Variants in CDH6 observed in about 807,000 individuals in gnomAD.
The protein encoded by CDH6 is cadherin-6.
A neutral mutation model predicts 78.0 loss-of-function variants in CDH6; 31 were observed. The ratio of observed to expected loss-of-function variants is 0.40; its 90% CI spans 0.30 to 0.54. CDH6 has a LOEUF of 0.54. Among genes scored for constraint, CDH6 ranks in the 20% least tolerant of loss-of-function variants. CDH6 has a pLI of 0.56. For missense variants in CDH6, 724 were observed against 975.9 expected, an observed-to-expected ratio of 0.74 and a Z score of 3.44; for synonymous variants, 376 against 368.8, an observed-to-expected ratio of 1.02 and a Z score of -0.23.
intron 1 of CDH6, among the ~76,000 whole-genome samples, chr5:31,217,583 C>G (rs1279374637): frequency 1.3e-5 from 2 of 152,092 alleles, no homozygotes; most frequent in Non-Finnish European, 2.9e-5. Context: ...TTAATAAGTA[C>G]CTGGGCCAGA....
intron 1 of CDH6, among the ~76,000 whole-genome samples, chr5:31,220,641 A>G (rs1390201291): frequency 6.6e-6 from 1 of 152,236 alleles, no homozygotes; most frequent in East Asian, 1.9e-4. Flanking sequence ...ACATATGTAC[A>G]TAAAAACTAT....
intron 7 of CDH6, among the ~76,000 whole-genome samples, chr5:31,312,811 A>G (rs376687536): frequency 6.6e-6 from 1 of 152,122 alleles, no homozygotes; most frequent in East Asian, 1.9e-4. Context: ...CTCTCTCACC[A>G]ATGTCATCTC....
At chr5:31,320,995 A>G (rs1306649781) in intron 11 of CDH6, among the ~76,000 whole-genome samples, 2 of 141,786 alleles carry the variant, frequency 1.4e-5, no homozygotes, top group Non-Finnish European at 1.6e-5. Flanking sequence ...AAAAAAAAAA[A>G]ACTGTGCTGT....
At chr5:31,312,215 A>G (rs1738177457) in intron 7 of CDH6, among the ~76,000 whole-genome samples, 1 of 152,226 alleles carries the variant, frequency 6.6e-6, no homozygotes, top group Non-Finnish European at 1.5e-5. Context: ...GCTTCAGACT[A>G]GATATCTCTT....
intron 2 of CDH6, among the ~76,000 whole-genome samples, chr5:31,273,558 A>G (rs1376131021): frequency 6.6e-6 from 1 of 152,166 alleles, no homozygotes; most frequent in Non-Finnish European, 1.5e-5. Context: ...GACAGACGAT[A>G]CTGTCTGACC....
chr5:31,323,059 C>G lies in CDH6; in HGVS notation c.2124C>G (p.Asp708Glu). The G allele has an allele frequency of 6.2e-7, 1 of 1,613,954 alleles. No homozygotes were observed. The highest frequency in any genetic ancestry group is 8.5e-7 in the Non-Finnish European group (1 of 1,179,892). Residue 708 changes from aspartate (D) to glutamate (E), a missense_variant, in exon 12 of 12, where the codon GAC becomes GAG. By Grantham distance (45) the Asp-to-Glu change is conservative. Coordinates refer to ENST00000265071, the MANE Select transcript of CDH6 (RefSeq NM_004932.4). Reference protein sequence around the residue: ...FLPRRTPTARDNTDVRDFINQ... With the variant: ...FLPRRTPTARENTDVRDFINQ... Reference sequence around the variant, plus strand: ...CCCGACGGACTCCAACAGCTCGCGACAACACCGATGTCAGAGATTTCATTA... The same window carrying G: ...CCCGACGGACTCCAACAGCTCGCGAGAACACCGATGTCAGAGATTTCATTA...
intron 1 of CDH6, among the ~76,000 whole-genome samples, chr5:31,209,359 C>G (rs1561024075): frequency 6.6e-6 from 1 of 152,128 alleles, no homozygotes; most frequent in Non-Finnish European, 1.5e-5. Context: ...TTGCTTAAAG[C>G]CTTCCAATCA....
At position 31,325,728 on chromosome 5, in the gene CDH6, GAC is replaced by G. The variant is rs1738611077; in HGVS notation, c.*2424_*2425del. Reference sequence around the variant, plus strand: ...AGGTATTTTATCCCTCCCTGCAGATGACACAGCATACCAAGAACAGGTTAATA... The same window carrying G: ...AGGTATTTTATCCCTCCCTGCAGATGACAGCATACCAAGAACAGGTTAATA... On this transcript the variant is annotated 3_prime_UTR_variant, in exon 12 of 12. Coordinates refer to ENST00000265071, the MANE Select transcript of CDH6 (RefSeq NM_004932.4). 1 of 230,900 alleles carries G rather than the reference GAC, an allele frequency of 4.3e-6. No homozygotes were observed. The allele number at this position is 230,900 out of a possible 1,614,324, so 14.3% of individuals were successfully genotyped here. A position where few individuals can be genotyped will look rare whatever the true frequency, so the allele number is the denominator to read the frequency against.
chr5:31,196,543 A>T (rs1005572664), intron 1 of CDH6, among the ~76,000 whole-genome samples: 2 of 152,224 alleles, frequency 1.3e-5, no homozygotes, highest in African/African-American at 4.8e-5. Context: ...GTTGGAAGGG[A>T]CCTCTAGTGG....
intron 2 of CDH6, among the ~76,000 whole-genome samples, chr5:31,270,326 A>C (rs1410381834): frequency 6.6e-6 from 1 of 152,256 alleles, no homozygotes; most frequent in East Asian, 1.9e-4. Context: ...AAACAACTTA[A>C]TAAGAATTTT....
intron 2 of CDH6, among the ~76,000 whole-genome samples, chr5:31,293,716 T>C (rs1737484999): frequency 6.6e-6 from 1 of 152,026 alleles, no homozygotes; most frequent in Non-Finnish European, 1.5e-5. Flanking sequence ...TTCTTCAAAA[T>C]AAAGATTACT....
At chr5:31,288,055 C>T (rs1579885476) in intron 2 of CDH6, among the ~76,000 whole-genome samples, 1 of 152,288 alleles carries the variant, frequency 6.6e-6, no homozygotes, top group East Asian at 1.9e-4. Context: ...TGGTGGAAAC[C>T]AGGTCACTGC....
chr5:31,233,156 A>G (rs1351342142), intron 1 of CDH6, among the ~76,000 whole-genome samples: 4 of 151,984 alleles, frequency 2.6e-5, no homozygotes, highest in African/African-American at 9.7e-5. Context: ...TTACACATCC[A>G]CACACATATA....
At position 31,328,337 on chromosome 5, in the gene CDH6, A is replaced by G. The variant is rs772520627; in HGVS notation, c.*5029A>G. ...TCTTGTGAGGCTACGTTATTTATGT[A>G]AATATGTCTGGAGGCACCTTCTCTA... On this transcript the variant is annotated 3_prime_UTR_variant, in exon 12 of 12. Transcript: ENST00000265071. 34 of 200,816 alleles carry G rather than the reference A, an allele frequency of 1.7e-4. No individual in the cohort carries two copies. The highest frequency in any genetic ancestry group is 2.8e-4 in the Non-Finnish European group (27 of 97,394). 12.4% of individuals were successfully genotyped at this position (200,816 alleles called of 1,614,324 possible). A position where few individuals can be genotyped will look rare whatever the true frequency, so the allele number is the denominator to read the frequency against.
rs369351868 is a variant in CDH6, at chr5:31,305,160, C to T, written c.1000-14C>T. 39 of 1,602,368 alleles carry T rather than the reference C, an allele frequency of 2.4e-5. No homozygotes were observed. The highest frequency in any genetic ancestry group is 2.4e-4 in the Admixed American group (14 of 58,550). ...TTTAAATATGTCACTTCTTCCCCCA[C>T]CCCCAACCTCAAGCTCTTGGACTTT... is the stretch of plus-strand genomic sequence containing the variant. On this transcript the variant is annotated splice_polypyrimidine_tract_variant and intron_variant, in intron 6 of 11. Transcript: ENST00000265071.
intron 2 of CDH6, among the ~76,000 whole-genome samples, chr5:31,275,155 T>C (rs1742655393): frequency 6.6e-6 from 1 of 152,204 alleles, no homozygotes; most frequent in Non-Finnish European, 1.5e-5. Context: ...AATGCCAACA[T>C]CCTAGTTTAC....
chr5:31,287,288 GT>G (rs1743037466), intron 2 of CDH6, among the ~76,000 whole-genome samples: 2 of 152,132 alleles, frequency 1.3e-5, no homozygotes, highest in East Asian at 3.9e-4. Context: ...ATCATTTCCA[GT>G]TCTATATTAG....
At chr5:31,293,847 G>A in intron 2 of CDH6, 115 bp from the exon 3 acceptor site, 1 of 565,386 alleles carries the variant, frequency 1.8e-6, no homozygotes. Context: ...AAAAAAACTT[G>A]TATTCCTTAG....
At chr5:31,246,684 A>G (rs1741756011) in intron 1 of CDH6, among the ~76,000 whole-genome samples, 1 of 152,202 alleles carries the variant, frequency 6.6e-6, no homozygotes. Flanking sequence ...TATTGAGTAG[A>G]CCGCAAAATG....
Sources: allele counts gnomAD v4.1 joint callset (sites outside exome capture counted in the v4.1 genomes callset), GRCh38; gene constraint gnomAD v4.1.1; transcripts MANE v1.5; gene names NCBI Gene and HGNC (gene_info 2026-07-23, HGNC 2026-07-21).